Variants in MSH4 observed in about 807,000 individuals in gnomAD.
The protein encoded by MSH4 is mutS homolog 4, also known as mutS protein homolog 4.
In MSH4, 106 loss-of-function variants were observed where a neutral mutation model predicts 113.7. That is an observed-to-expected ratio of 0.93 (90% CI 0.80 to 1.10). The LOEUF is 1.10. Among genes scored for constraint, MSH4 ranks in the 50% least tolerant of loss-of-function variants. The probability of loss-of-function intolerance (pLI) is 0.00; values close to 1 mark genes in which losing one functional copy is unlikely to be tolerated. For synonymous variants in MSH4, 368 were observed against 380.2 expected, an observed-to-expected ratio of 0.97 and a Z score of 0.37; for missense variants, 1,061 against 1,093.7, an observed-to-expected ratio of 0.97 and a Z score of 0.42.
rs1652699988 is a variant in MSH4 at position 75,907,751 on chromosome 1, T to G, written c.2620-4945T>G. 3.5e-5 allele frequency among the ~76,000 whole-genome samples: 4 copies of G among 112,756 alleles called. No individual in the cohort carries two copies. In the South Asian group the frequency reaches 9.9e-4, roughly 28 times the overall value. 74.0% of individuals were successfully genotyped at this position (112,756 alleles called of 152,430 possible). On this transcript the variant is annotated intron_variant, in intron 19 of 19. Coordinates refer to ENST00000263187, the MANE Select transcript of MSH4 (RefSeq NM_002440.4). The stretch of plus-strand genomic sequence containing the variant: ...AATCTTTCAGGCTGTCTTTATTCCT[T>G]TCATTCTGTTTTTTTTTCCCTCTGA...
intron 18 of MSH4, among the ~76,000 whole-genome samples, chr1:75,899,007 A>T (rs1393106368): frequency 1.3e-5 from 2 of 152,180 alleles, no homozygotes; most frequent in Non-Finnish European, 2.9e-5. Flanking sequence ...GCAATTACTA[A>T]CGTCTCAATA....
intron 17 of MSH4, among the ~76,000 whole-genome samples, chr1:75,892,753 C>G (rs146966256): frequency 6.6e-6 from 1 of 152,192 alleles, no homozygotes; most frequent in Non-Finnish European, 1.5e-5. Flanking sequence ...GAGGGCCTGC[C>G]TGTCACTACC....
At chr1:75,892,067 A>G (rs5745512) in intron 17 of MSH4, among the ~76,000 whole-genome samples, 2 of 151,910 alleles carry the variant, frequency 1.3e-5, no homozygotes, top group African/African-American at 4.8e-5. Flanking sequence ...AGATTGCCCT[A>G]CCTAATGTGG....
At chr1:75,832,211 A>C (rs1057300385) in intron 7 of MSH4, among the ~76,000 whole-genome samples, 1 of 152,216 alleles carries the variant, frequency 6.6e-6, no homozygotes. Flanking sequence ...TCCCGGAGAC[A>C]TACACCCTCC....
chr1:75,895,724 G>T (rs1652364702), intron 17 of MSH4, among the ~76,000 whole-genome samples: 1 of 152,158 alleles, frequency 6.6e-6, no homozygotes, highest in South Asian at 2.1e-4. Context: ...TAAGTTATGA[G>T]ATATCAAGAA....
intron 6 of MSH4, 100 bp from the exon 7 acceptor site, chr1:75,822,309 A>C (rs61770517): frequency 9.6e-6 from 7 of 726,074 alleles, no homozygotes; most frequent in Non-Finnish European, 1.5e-5. Context: ...AAAAAAAAGA[A>C]TCATTGCTGT....
chr1:75,820,767 C>T (rs1270554676), intron 6 of MSH4, among the ~76,000 whole-genome samples: 5 of 152,082 alleles, frequency 3.3e-5, no homozygotes, highest in Non-Finnish European at 7.3e-5. Flanking sequence ...TTTCAAAAAA[C>T]CAGCTCCTGG....
chr1:75,858,460 G>A (rs1651374746), intron 8 of MSH4, among the ~76,000 whole-genome samples: 1 of 152,178 alleles, frequency 6.6e-6, no homozygotes, highest in African/African-American at 2.4e-5. Context: ...ACTTTATTGA[G>A]AGTTTTTAGC....
intron 6 of MSH4, among the ~76,000 whole-genome samples, chr1:75,821,979 T>G (rs1343962856): frequency 1.3e-5 from 2 of 152,116 alleles, no homozygotes; most frequent in Non-Finnish European, 2.9e-5. Context: ...GTATGCACAG[T>G]AAAGTTTAAG....
intron 1 of MSH4, 105 bp downstream of exon 1, chr1:75,797,334 G>C: frequency 1.4e-6 from 2 of 1,432,628 alleles, no homozygotes; most frequent in East Asian, 2.5e-5. Context: ...GTTGTGATTT[G>C]GTTGGGGCGT....
intron 8 of MSH4, among the ~76,000 whole-genome samples, chr1:75,864,081 G>C (rs950525720): frequency 6.6e-6 from 1 of 151,974 alleles, no homozygotes; most frequent in Non-Finnish European, 1.5e-5. Flanking sequence ...AGTTTGACTT[G>C]ATCTATTAAA....
rs190528978 is a variant in MSH4, at chr1:75,868,185, A to G, written c.1305+597A>G. Among the ~76,000 whole-genome samples, 253 of 152,262 alleles carry G rather than the reference A, an allele frequency of 1.7e-3. 1 individual carries two copies. Among genetic ancestry groups the G allele is most frequent in the South Asian group, 0.014 (68 of 4,826 alleles). The stretch of plus-strand genomic sequence containing the variant: ...TGTGCATATTTGGCCTTAATACTCT[A>G]TGATGTATCCTTTTTAGTGCATCAC... On this transcript the variant is annotated intron_variant, in intron 9 of 19. Coordinates refer to ENST00000263187, the MANE Select transcript of MSH4 (RefSeq NM_002440.4).
chr1:75,797,391 C>G (rs776813535), intron 1 of MSH4, among the ~76,000 whole-genome samples, 162 bp downstream of exon 1: 1 of 152,130 alleles, frequency 6.6e-6, no homozygotes, highest in Non-Finnish European at 1.5e-5. Flanking sequence ...TGATTAGAAG[C>G]CTTGACTTTT....
intron 8 of MSH4, among the ~76,000 whole-genome samples, chr1:75,859,113 A>G (rs1005337597): frequency 1.4e-4 from 21 of 151,924 alleles, no homozygotes; most frequent in Non-Finnish European, 2.5e-4. Flanking sequence ...GGTGATATCC[A>G]CTTTATCATT....
intron 19 of MSH4, among the ~76,000 whole-genome samples, chr1:75,910,187 T>TC (rs1362350774): frequency 3.9e-5 from 6 of 152,194 alleles, no homozygotes; most frequent in Non-Finnish European, 8.8e-5. Flanking sequence ...ATGTTTAAAC[T>TC]GAGTCTTATT....
chr1:75,892,244 T>G (rs969068441), intron 17 of MSH4, among the ~76,000 whole-genome samples: 3 of 152,266 alleles, frequency 2.0e-5, no homozygotes, highest in Admixed American at 6.5e-5. Context: ...CCTGCCAGCT[T>G]TGGACTGGAG....
At chr1:75,881,786 C>G (rs1651939498) in intron 14 of MSH4, among the ~76,000 whole-genome samples, 1 of 151,806 alleles carries the variant, frequency 6.6e-6, no homozygotes, top group African/African-American at 2.4e-5. Flanking sequence ...GTGAACATAC[C>G]AAAATTAGGA....
rs774991851 is a variant in MSH4, at chr1:75,896,558, A to G, written c.2356-1349A>G. ...CACCTCACAGGTTCAAGCATACAGT[A>G]TCTGTTTCCAAAGTATTCTACAATA... is the stretch of plus-strand genomic sequence containing the variant. On this transcript the variant is annotated intron_variant, in intron 17 of 19. Coordinates refer to ENST00000263187, the MANE Select transcript of MSH4 (RefSeq NM_002440.4). Among the ~76,000 whole-genome samples the G allele has an allele frequency of 7.2e-5, 11 of 151,986 alleles. 1 individual carries two copies. Among genetic ancestry groups the G allele is most frequent in the African/African-American group, 2.2e-4 (9 of 41,478 alleles).
At chr1:75,892,004 A>G (rs898158067) in intron 17 of MSH4, among the ~76,000 whole-genome samples, 13 of 152,182 alleles carry the variant, frequency 8.5e-5, no homozygotes, top group African/African-American at 3.1e-4. Flanking sequence ...TGTTCTGGAT[A>G]TGTCTGTGAG....
Sources: allele counts gnomAD v4.1 joint callset (sites outside exome capture counted in the v4.1 genomes callset), GRCh38; gene constraint gnomAD v4.1.1; transcripts MANE v1.5; gene names NCBI Gene and HGNC (gene_info 2026-07-23, HGNC 2026-07-21).